The following IRF8 variants were observed in gnomAD, a reference collection of about 807,000 sequenced individuals.
IRF8 encodes the protein interferon consensus sequence binding protein 1.
IRF8 carries 14 observed loss-of-function variants against 48.7 expected under a neutral mutation model. That is an observed-to-expected ratio of 0.29 (90% CI 0.19 to 0.45). The LOEUF (loss-of-function observed/expected upper bound fraction) is 0.45, where lower values mean the gene tolerates loss of function less well. IRF8 is among the 20% of genes least tolerant of loss of function. The pLI is 1.00. For synonymous variants in IRF8, 278 were observed against 227.3 expected (o/e 1.22, Z -2.01); for missense variants, 493 against 580.7 (o/e 0.85, Z 1.55).
At chr16:85,919,239 C>T (rs1005346783) in intron 7 of IRF8, among the ~76,000 whole-genome samples, 23 of 152,192 alleles carry the variant, frequency 1.5e-4, no homozygotes, top group Non-Finnish European at 3.1e-4. Flanking sequence ...TGACTTTCCG[C>T]ACACTAAGTG....
chr16:85,909,299 C>A (rs566729872), intron 3 of IRF8, 126 bp downstream of exon 3: 3 of 770,670 alleles, frequency 3.9e-6, no homozygotes, highest in East Asian at 5.3e-5. Flanking sequence ...CAAAGCAGTT[C>A]TCTCCTTCGT....
intron 3 of IRF8, 157 bp downstream of exon 3, chr16:85,909,330 C>CTG (rs1905083112): frequency 1.4e-6 from 1 of 700,068 alleles, no homozygotes; most frequent in Admixed American, 2.1e-5. Flanking sequence ...ATTGAGATCT[C>CTG]TTTCCAGTGA....
chr16:85,899,821 A>C (rs565061378), intron 1 of IRF8, among the ~76,000 whole-genome samples: 2 of 152,340 alleles, frequency 1.3e-5, no homozygotes, highest in Admixed American at 6.5e-5. Context: ...GAAAAAATTT[A>C]TTGAAAGAAC....
At chr16:85,919,415 G>A (rs561216971) in intron 7 of IRF8, among the ~76,000 whole-genome samples, 9 of 152,180 alleles carry the variant, frequency 5.9e-5, no homozygotes, top group African/African-American at 1.9e-4. Flanking sequence ...AGCACAGCCC[G>A]AGATAGTGTC....
chr16:85,906,779 A>C (rs1050187512), intron 2 of IRF8, among the ~76,000 whole-genome samples: 1 of 151,906 alleles, frequency 6.6e-6, no homozygotes, highest in Non-Finnish European at 1.5e-5. Context: ...ATACTTGGCC[A>C]TGTTTGGAGA....
intron 6 of IRF8, among the ~76,000 whole-genome samples, chr16:85,916,453 G>T (rs1905308415): frequency 6.6e-6 from 1 of 152,226 alleles, no homozygotes; most frequent in Non-Finnish European, 1.5e-5. Context: ...TACTGTTGCA[G>T]AAGGCTCACC....
At chr16:85,912,042 G>C (rs1250562000) in intron 4 of IRF8, among the ~76,000 whole-genome samples, 2 of 152,232 alleles carry the variant, frequency 1.3e-5, no homozygotes, top group African/African-American at 2.4e-5. Context: ...AACTTTCCTT[G>C]CTGCCTGCGC....
chr16:85,921,222 A>G lies in IRF8; in HGVS notation c.1221A>G (p.Pro407=). The G allele has an allele frequency of 6.2e-7, 1 of 1,614,222 alleles. No individual in the cohort carries two copies. Among genetic ancestry groups the G allele is most frequent in the South Asian group, 1.1e-5 (1 of 91,088 alleles). The change falls in exon 9 of 9, where the codon CCA becomes CCG. Residue 407 remains proline, a synonymous_variant. Transcript: ENST00000268638. Reference sequence around the variant, plus strand: ...CAGACCAGGTCTTCCGGATGTTTCCAGATATTTGTGCCTCACACCAGAGAT... The same window carrying G: ...CAGACCAGGTCTTCCGGATGTTTCCGGATATTTGTGCCTCACACCAGAGAT... ...PPPDQVFRMF[P]DICASHQRSF...
At chr16:85,910,873 A>G (rs1905122788) in intron 3 of IRF8, among the ~76,000 whole-genome samples, 1 of 152,208 alleles carries the variant, frequency 6.6e-6, no homozygotes, top group Non-Finnish European at 1.5e-5. Context: ...CACTGGGAAT[A>G]ATGAATTTTT....
At chr16:85,913,858 C>T (rs1038477718) in intron 5 of IRF8, 2 of 170,362 alleles carry the variant, frequency 1.2e-5, no homozygotes, top group Admixed American at 1.1e-4. Flanking sequence ...TTTTGATGAG[C>T]CACTCAGAAC....
At chr16:85,899,539 C>A (rs907455340) in intron 1 of IRF8, among the ~76,000 whole-genome samples, 1 of 152,316 alleles carries the variant, frequency 6.6e-6, no homozygotes, top group Non-Finnish European at 1.5e-5. Context: ...ACGGCAATAG[C>A]AACCCCCTAT....
intron 3 of IRF8, among the ~76,000 whole-genome samples, chr16:85,910,173 G>A (rs931254695): frequency 1.3e-5 from 2 of 152,240 alleles, no homozygotes; most frequent in Non-Finnish European, 2.9e-5. Flanking sequence ...GAGGCAGCAT[G>A]ATGGTAAAGA....
intron 5 of IRF8, 34 bp downstream of exon 5, chr16:85,913,270 AT>A (rs1398914277): frequency 6.8e-7 from 1 of 1,477,664 alleles, no homozygotes; most frequent in South Asian, 1.1e-5. Flanking sequence ...GTCACCAGGC[AT>A]GGCCTGAAGG....
chr16:85,901,927 ATTT>A (rs58626896), intron 1 of IRF8, among the ~76,000 whole-genome samples: 7 of 131,008 alleles, frequency 5.3e-5, no homozygotes, highest in African/African-American at 1.9e-4. Flanking sequence ...CAAAAATGCT[ATTT>A]TTTTTTTTTT....
intron 1 of IRF8, among the ~76,000 whole-genome samples, chr16:85,899,840 T>C (rs551614399): frequency 2.0e-5 from 3 of 152,340 alleles, no homozygotes; most frequent in East Asian, 1.9e-4. Flanking sequence ...ACATTGTTTG[T>C]AAAATGAGTC....
intron 6 of IRF8, among the ~76,000 whole-genome samples, 168 bp downstream of exon 6, chr16:85,914,688 G>A (rs976246696): frequency 3.3e-5 from 5 of 151,640 alleles, no homozygotes; most frequent in African/African-American, 9.7e-5. Context: ...GCTCCGTTCC[G>A]AGGATGAGCA....
At chr16:85,901,251 G>A (rs539000771) in intron 1 of IRF8, 2 of 152,282 alleles carry the variant, frequency 1.3e-5, no homozygotes, top group South Asian at 2.1e-4. Flanking sequence ...TTACAGGTGA[G>A]GAAGCCTCAG....
At position 85,918,544 on chromosome 16, in the gene IRF8, G is replaced by A; in HGVS notation, c.729G>A (p.Gly243=). The A allele has an allele frequency of 5.6e-6, 9 of 1,602,590 alleles. No individual in the cohort carries two copies. Among genetic ancestry groups the A allele is most frequent in the Non-Finnish European group, 7.6e-6 (9 of 1,178,958 alleles). ...QPGLPGTKLY[G]PEGLELVRFP... is the part of the protein sequence containing the mutation. ...GGCTGCCCGGCACCAAGCTGTATGG[G>A]CCCGAGGGCCTGGAGCTGGTGCGCT... The change falls in exon 7 of 9, where the codon GGG becomes GGA. Residue 243 remains glycine (G), a synonymous_variant. Coordinates refer to ENST00000268638, the MANE Select transcript of IRF8 (RefSeq NM_002163.4).
chr16:85,910,546 C>T (rs1054857132), intron 3 of IRF8, among the ~76,000 whole-genome samples: 4 of 152,148 alleles, frequency 2.6e-5, no homozygotes, highest in Non-Finnish European at 2.9e-5. Flanking sequence ...TCTTTTGGCC[C>T]CTACTGCCAC....
Sources: allele counts gnomAD v4.1 joint callset (sites outside exome capture counted in the v4.1 genomes callset), GRCh38; gene constraint gnomAD v4.1.1; transcripts MANE v1.5; gene names NCBI Gene and HGNC (gene_info 2026-07-23, HGNC 2026-07-21).